The following DNAI7 variants were observed in gnomAD, a reference collection of about 807,000 sequenced individuals.
DNAI7 encodes the protein dynein axonemal intermediate chain 7.
In DNAI7, 78 loss-of-function variants were observed where a neutral mutation model predicts 86.6. The observed-to-expected ratio is 0.90, with a 90% CI of 0.75 to 1.09. The LOEUF (loss-of-function observed/expected upper bound fraction) is 1.09, where lower values mean the gene tolerates loss of function less well. Ranked by LOEUF, DNAI7 falls within the 50% of genes least tolerant of loss-of-function variation. The pLI is 0.00. For missense variants in DNAI7, 753 were observed against 810.2 expected (o/e 0.93, Z 0.86); for synonymous variants, 274 against 273.0 (o/e 1.00, Z -0.04).
chr12:25,107,133 A>G (rs1440475705), downstream of DNAI7: 30 of 613,768 alleles, frequency 4.9e-5, no homozygotes, highest in South Asian at 5.5e-4. Flanking sequence ...ATCCTAATCA[A>G]ATTACTAAAA....
At chr12:25,161,386 G>A (rs1223833688) in intron 2 of DNAI7, among the ~76,000 whole-genome samples, 189 bp from the exon 3 acceptor site, 1 of 152,130 alleles carries the variant, frequency 6.6e-6, no homozygotes, top group Non-Finnish European at 1.5e-5. Context: ...CAAAGTCTGG[G>A]AACAAGAAAA....
chr12:25,137,419 C>T (rs1352849525), intron 9 of DNAI7, among the ~76,000 whole-genome samples: 1 of 152,096 alleles, frequency 6.6e-6, no homozygotes, highest in Non-Finnish European at 1.5e-5. Context: ...TATACCAAAA[C>T]AGAACCCCCC....
At chr12:25,110,296 C>T in intron 14 of DNAI7, 56 bp from the exon 15 acceptor site, 1 of 954,830 alleles carries the variant, frequency 1.0e-6, no homozygotes, top group Non-Finnish European at 1.7e-6. Flanking sequence ...AAGTCTTCCT[C>T]CATCTTTGGC....
At chr12:25,175,606 C>T (rs985653554) in intron 2 of DNAI7, among the ~76,000 whole-genome samples, 2 of 151,856 alleles carry the variant, frequency 1.3e-5, no homozygotes, top group Non-Finnish European at 2.9e-5. Flanking sequence ...CCTTGGCTTC[C>T]CAAAGTGCTG....
At chr12:25,154,631 A>G (rs1200176793) in intron 5 of DNAI7, among the ~76,000 whole-genome samples, 175 bp from the exon 6 acceptor site, 2 of 152,212 alleles carry the variant, frequency 1.3e-5, no homozygotes, top group Non-Finnish European at 2.9e-5. Context: ...TTCTTTATCC[A>G]AGTAACTTCT....
At chr12:25,157,103 C>T (rs1946266139) in intron 4 of DNAI7, among the ~76,000 whole-genome samples, 2 of 151,784 alleles carry the variant, frequency 1.3e-5, no homozygotes, top group Admixed American at 6.6e-5. Context: ...GGTGAAAGCC[C>T]GTCTCTACTA....
At chr12:25,140,715 A>C (rs915290400) in intron 9 of DNAI7, among the ~76,000 whole-genome samples, 5 of 151,868 alleles carry the variant, frequency 3.3e-5, no homozygotes, top group African/African-American at 1.2e-4. Context: ...AAAAAATCCT[A>C]AAATTCATAT....
chr12:25,187,290 C>T (rs1255352163), intron 2 of DNAI7, among the ~76,000 whole-genome samples: 2 of 152,110 alleles, frequency 1.3e-5, no homozygotes, highest in African/African-American at 4.8e-5. Context: ...ATACTCATTC[C>T]CCCAGGTAAT....
chr12:25,150,858 G>T (rs987665602), intron 6 of DNAI7, among the ~76,000 whole-genome samples: 5 of 152,124 alleles, frequency 3.3e-5, no homozygotes, highest in African/African-American at 1.2e-4. Context: ...ACAATCAGGA[G>T]AAGGAGATGG....
intron 9 of DNAI7, 113 bp from the exon 10 acceptor site, chr12:25,123,399 A>G: frequency 1.8e-6 from 1 of 552,940 alleles, no homozygotes; most frequent in Non-Finnish European, 3.0e-6. Context: ...TCTAGGCTGA[A>G]AACCCCAAAC....
intron 2 of DNAI7, among the ~76,000 whole-genome samples, chr12:25,162,324 A>G (rs763856593): frequency 2.0e-5 from 3 of 152,236 alleles, no homozygotes; most frequent in South Asian, 4.1e-4. Context: ...ATTTGAATGA[A>G]GAATTGTTAA....
intron 1 of DNAI7, among the ~76,000 whole-genome samples, chr12:25,192,153 T>G (rs1329440079): frequency 6.6e-6 from 1 of 152,222 alleles, no homozygotes; most frequent in Non-Finnish European, 1.5e-5. Context: ...ATATAATTTT[T>G]ACAAATAGAT....
chr12:25,144,617 T>A lies in DNAI7; in HGVS notation c.750A>T (p.Ala250=). Residue 250 remains alanine, a synonymous_variant, in exon 9 of 16, where the codon GCA becomes GCT. Transcript: ENST00000395987. ...GGAGTCGTACAGCAATGTCACTTGT[T>A]GCTAATATCCTTGGAATCTCAAATC... ...QIGFEIPRIL[A]TSDIAVRLLH... The A allele has an allele frequency of 6.2e-7, 1 of 1,614,060 alleles. No individual in the cohort carries two copies. Among genetic ancestry groups the A allele is most frequent in the African/African-American group, 1.3e-5 (1 of 75,052 alleles).
At position 25,153,539 on chromosome 12, in the gene DNAI7, T is replaced by A. The variant is rs561824041; in HGVS notation, c.438+780A>T. Among the ~76,000 whole-genome samples, 45 of 152,342 alleles carry A rather than the reference T, an allele frequency of 3.0e-4. No individual in the cohort carries two copies. The South Asian group carries it at 4.3e-3, about 15-fold the overall frequency. On this transcript the variant is annotated intron_variant, in intron 6 of 15. Coordinates refer to ENST00000395987, the MANE Select transcript of DNAI7 (RefSeq NM_018272.5). The stretch of plus-strand genomic sequence containing the variant: ...TATCTCCTTTTGCACAATAAATTTT[T>A]CCTGTTATCCATAATGTCTTTTGAG...
At chr12:25,133,531 C>T (rs1000423361) in intron 9 of DNAI7, among the ~76,000 whole-genome samples, 1 of 152,180 alleles carries the variant, frequency 6.6e-6, no homozygotes. Context: ...AGTCACCCAC[C>T]ACCCTTCCCC....
At chr12:25,119,018 C>A (rs1237542998) in intron 12 of DNAI7, 127 bp downstream of exon 12, 2 of 739,280 alleles carry the variant, frequency 2.7e-6, no homozygotes, top group Admixed American at 3.5e-5. Context: ...ACAAACAAAA[C>A]AAGACCCTTG....
intron 11 of DNAI7, among the ~76,000 whole-genome samples, chr12:25,120,517 T>C (rs141725469): frequency 0.012 from 1,799 of 150,974 alleles, 28 homozygotes; most frequent in South Asian, 0.058. Flanking sequence ...GGTCAGGAAA[T>C]CGAGACCATC....
intron 5 of DNAI7, among the ~76,000 whole-genome samples, chr12:25,154,762 T>C (rs1253095306): frequency 6.6e-6 from 1 of 152,230 alleles, no homozygotes; most frequent in Non-Finnish European, 1.5e-5. Context: ...AGCTGCTTAT[T>C]TGCAAAGGCC....
intron 9 of DNAI7, among the ~76,000 whole-genome samples, chr12:25,129,912 G>C (rs1475702038): frequency 2.0e-5 from 3 of 151,890 alleles, no homozygotes; most frequent in South Asian, 2.1e-4. Context: ...ACAGGTACCT[G>C]CCACCATACC....
Sources: gnomAD v4.1 joint callset for allele counts (sites outside exome capture counted in the v4.1 genomes callset) on GRCh38, gnomAD v4.1.1 for gene constraint, MANE v1.5 for transcripts, NCBI Gene and HGNC (gene_info 2026-07-23, HGNC 2026-07-21) for gene names.